CCDC194: variants seen among roughly 807,000 people sequenced by gnomAD.
CCDC194 encodes coiled-coil domain containing 194, also known as coiled-coil domain-containing protein 194.
Under a neutral mutation model 4.9 loss-of-function variants are expected in CCDC194, and 8 were observed. That is an observed-to-expected ratio of 1.65 (90% confidence interval 0.97 to 2.97). CCDC194 has a LOEUF of 2.97. Among genes scored for constraint, CCDC194 ranks in the 30% most tolerant of loss-of-function variants. The pLI is 0.00. For missense variants in CCDC194, 52 were observed against 43.1 expected (o/e 1.21, Z -0.58); for synonymous variants, 13 against 17.0 (o/e 0.76, Z 0.58).
chr19:17,393,875 T>C (rs2074664168), exon 1 of CCDC194: 1 of 397,646 alleles, frequency 2.5e-6, no homozygotes, highest in African/African-American at 2.1e-5. Flanking sequence ...CTCCAACTCG[T>C]GCCGGATACT....
At chr19:17,391,696 C>A in intron 2 of CCDC194, 54 bp downstream of exon 2, 1 of 1,535,576 alleles carries the variant, frequency 6.5e-7, no homozygotes, top group South Asian at 1.2e-5. Context: ...AACTAGGATT[C>A]ACCTAGGCTC....
At chr19:17,388,912 C>T (rs1402361727), downstream of CCDC194, among the ~76,000 whole-genome samples, 2 of 152,094 alleles carry the variant, frequency 1.3e-5, no homozygotes, top group African/African-American at 4.8e-5. Context: ...GATCATGGCT[C>T]ACTGCAAACT....
At chr19:17,390,382 C>T (rs2074649442), downstream of CCDC194, 4 of 382,336 alleles carry the variant, frequency 1.0e-5, no homozygotes, top group Non-Finnish European at 1.9e-5. The surrounding 1 kb of genome is among the most constrained non-coding windows in gnomAD (Gnocchi z 5.5). Context: ...AGTTTCCGTT[C>T]AGGACGTCTC....
downstream of CCDC194, among the ~76,000 whole-genome samples, chr19:17,390,241 G>A (rs1006437071): frequency 6.6e-6 from 1 of 152,158 alleles, no homozygotes. This position sits in a 1 kb window ranked among gnomAD's most constrained non-coding sequence, Gnocchi z 5.5. Flanking sequence ...CGGCAACATT[G>A]TTGTTAGAGG....
At chr19:17,391,401 A>ACCC in intron 2 of CCDC194, 58 bp from the exon 3 acceptor site, 1 of 420,988 alleles carries the variant, frequency 2.4e-6, no homozygotes. Context: ...CGCCCCACGC[A>ACCC]CGCCGGAATC....
rs1401314399 is a variant in CCDC194, at chr19:17,392,854, G to A, written c.324+981C>T. On this transcript the variant is annotated intron_variant, in intron 1 of 3. Coordinates refer to ENST00000636079, the Ensembl canonical transcript of CCDC194. ...GCGCCATCACACCTGGCTAATTTTT[G>A]TATTTTTAGTAGAGACGGGTTTTCA... Among the ~76,000 whole-genome samples, 4 of 152,290 alleles carry A rather than the reference G, an allele frequency of 2.6e-5. No individual in the cohort carries two copies. The South Asian group carries it at 8.3e-4, about 32-fold the overall frequency.
chr19:17,392,715 G>A (rs2074659456), intron 1 of CCDC194, among the ~76,000 whole-genome samples: 1 of 151,920 alleles, frequency 6.6e-6, no homozygotes, highest in Admixed American at 6.6e-5. Flanking sequence ...AAGGGGTAGG[G>A]GTTTATTTGG....
At chr19:17,393,533 C>T (rs1056204312) in intron 1 of CCDC194, among the ~76,000 whole-genome samples, 4 of 151,980 alleles carry the variant, frequency 2.6e-5, no homozygotes, top group African/African-American at 9.7e-5. Flanking sequence ...GGATTACAGG[C>T]GTTCACCATC....
downstream of CCDC194, among the ~76,000 whole-genome samples, chr19:17,388,927 G>T (rs1033108819): frequency 6.9e-6 from 1 of 143,936 alleles, no homozygotes; most frequent in Non-Finnish European, 1.5e-5. Flanking sequence ...CAAACTTGAC[G>T]TCCTGGGCTC....
downstream of CCDC194, among the ~76,000 whole-genome samples, chr19:17,388,494 G>T (rs1350461204): frequency 6.6e-6 from 1 of 151,676 alleles, no homozygotes; most frequent in African/African-American, 2.4e-5. Flanking sequence ...CTGCCTCCCA[G>T]GCTCAAGTGA....
At chr19:17,388,744 C>A (rs1206229502), downstream of CCDC194, among the ~76,000 whole-genome samples, 1 of 152,160 alleles carries the variant, frequency 6.6e-6, no homozygotes, top group African/African-American at 2.4e-5. Flanking sequence ...CTCAAGAGAT[C>A]CTCCCGCCTT....
downstream of CCDC194, among the ~76,000 whole-genome samples, chr19:17,389,293 A>G (rs1232689587): frequency 1.3e-5 from 2 of 152,224 alleles, no homozygotes; most frequent in African/African-American, 4.8e-5. Flanking sequence ...TTAAATTTAG[A>G]TAACAAGCTA....
At chr19:17,388,193 C>CTTTTTTTTTT (rs71162117), downstream of CCDC194, among the ~76,000 whole-genome samples, 2 of 92,112 alleles carry the variant, frequency 2.2e-5, no homozygotes, top group Admixed American at 1.2e-4. Flanking sequence ...TCTTTTTTTC[C>CTTTTTTTTTT]TTTTTTTTTT....
exon 3 of CCDC194, chr19:17,391,258 G>C: frequency 2.5e-6 from 1 of 406,358 alleles, no homozygotes; most frequent in Non-Finnish European, 4.3e-6. Context: ...CTTCGCCCTC[G>C]GCCTCCGCCA....
chr19:17,390,303 C>A (rs1212151047), downstream of CCDC194, among the ~76,000 whole-genome samples: 1 of 152,166 alleles, frequency 6.6e-6, no homozygotes, highest in Non-Finnish European at 1.5e-5. The surrounding 1 kb of genome is among the most constrained non-coding windows in gnomAD (Gnocchi z 5.5). Flanking sequence ...ACTTGGGCCT[C>A]AGTTTCCCTG....
chr19:17,390,274 A>G (rs148839933), downstream of CCDC194, among the ~76,000 whole-genome samples: 552 of 152,290 alleles, frequency 3.6e-3, 6 homozygotes, highest in African/African-American at 0.013. The surrounding 1 kb of genome is among the most constrained non-coding windows in gnomAD (Gnocchi z 5.5). Flanking sequence ...CCAGCTAAGC[A>G]CTAGCTCACT....
At chr19:17,391,920 G>A (rs748040401) in intron 1 of CCDC194, 74 bp from the exon 2 acceptor site, 1 of 1,376,176 alleles carries the variant, frequency 7.3e-7, no homozygotes, top group South Asian at 1.5e-5. Flanking sequence ...GCCCTTTTGG[G>A]GACAGTGAGA....
intron 2 of CCDC194, 52 bp downstream of exon 2, chr19:17,391,698 C>T (rs1040379402): frequency 1.3e-6 from 2 of 1,535,622 alleles, no homozygotes; most frequent in East Asian, 2.4e-5. Context: ...CTAGGATTCA[C>T]CTAGGCTCCT....
intron 1 of CCDC194, 60 bp from the exon 2 acceptor site, chr19:17,391,906 C>T (rs550214865): frequency 1.4e-6 from 2 of 1,422,532 alleles, no homozygotes; most frequent in Non-Finnish European, 1.8e-6. Context: ...AGTGATTCGG[C>T]CTGGCCCTTT....
Sources: gnomAD v4.1 joint callset for allele counts (sites outside exome capture counted in the v4.1 genomes callset) on GRCh38, gnomAD v4.1.1 for gene constraint, Gnocchi (gnomAD v3.1) non-coding constraint, MANE v1.5 for transcripts, NCBI Gene and HGNC (gene_info 2026-07-23, HGNC 2026-07-21) for gene names.